Variants in SGCZ observed in about 807,000 individuals in gnomAD.
SGCZ encodes the protein zeta-sarcoglycan.
A neutral mutation model predicts 41.3 loss-of-function variants in SGCZ; 40 were observed. The ratio of observed to expected loss-of-function variants is 0.97; its 90% confidence interval spans 0.75 to 1.26. The LOEUF (loss-of-function observed/expected upper bound fraction) is 1.26, where lower values mean the gene tolerates loss of function less well. Among genes scored for constraint, SGCZ ranks in the 50% most tolerant of loss-of-function variants. The pLI, the probability that SGCZ is intolerant of heterozygous loss-of-function variation, is 0.00. For missense variants in SGCZ, 552 were observed against 369.8 expected (o/e 1.49, Z -4.04); for synonymous variants, 206 against 137.5 (o/e 1.50, Z -3.49).
At chr8:15,105,821 T>C (rs1486496342) in intron 1 of SGCZ, among the ~76,000 whole-genome samples, 2 of 151,978 alleles carry the variant, frequency 1.3e-5, no homozygotes, top group Non-Finnish European at 2.9e-5. Context: ...TTGAGTGCTG[T>C]TATTTTTTTC....
At chr8:14,282,007 G>C (rs1375498309) in intron 3 of SGCZ, among the ~76,000 whole-genome samples, 2 of 151,822 alleles carry the variant, frequency 1.3e-5, no homozygotes, top group Non-Finnish European at 2.9e-5. Flanking sequence ...TTTCAGCTTA[G>C]TTTATATCCA....
chr8:14,522,003 A>G (rs1428584363), intron 2 of SGCZ, among the ~76,000 whole-genome samples: 2 of 152,052 alleles, frequency 1.3e-5, no homozygotes, highest in African/African-American at 2.4e-5. Context: ...TTTTCTAAAT[A>G]TGTTCTTTCA....
intron 1 of SGCZ, among the ~76,000 whole-genome samples, chr8:15,138,696 C>A (rs1808208551): frequency 6.6e-6 from 1 of 152,192 alleles, no homozygotes; most frequent in Admixed American, 6.5e-5. Flanking sequence ...TTTCCTGAAG[C>A]CGCCTCAGCC....
At chr8:14,361,859 G>T (rs993568531) in intron 2 of SGCZ, among the ~76,000 whole-genome samples, 3 of 152,132 alleles carry the variant, frequency 2.0e-5, no homozygotes, top group Non-Finnish European at 4.4e-5. Context: ...CTACAGATGG[G>T]GTTTTGGTGT....
intron 2 of SGCZ, among the ~76,000 whole-genome samples, chr8:14,522,595 T>G (rs988804823): frequency 3.3e-5 from 5 of 151,906 alleles, no homozygotes; most frequent in Non-Finnish European, 7.4e-5. Flanking sequence ...ATTGGAAACT[T>G]GTGTCTTCGC....
At chr8:14,915,920 C>T (rs1038230778) in intron 1 of SGCZ, among the ~76,000 whole-genome samples, 2 of 152,114 alleles carry the variant, frequency 1.3e-5, no homozygotes, top group Non-Finnish European at 1.5e-5. Context: ...GCAAAGTAGC[C>T]GTTTCAATAT....
At chr8:15,224,713 G>A (rs777688712) in intron 1 of SGCZ, among the ~76,000 whole-genome samples, 1 of 151,968 alleles carries the variant, frequency 6.6e-6, no homozygotes, top group African/African-American at 2.4e-5. Context: ...ATACAAAAAG[G>A]TTCAAAATAA....
At chr8:14,222,905 G>C (rs1005183777) in intron 4 of SGCZ, among the ~76,000 whole-genome samples, 1 of 141,170 alleles carries the variant, frequency 7.1e-6, no homozygotes, top group Admixed American at 7.8e-5. Flanking sequence ...TCTACATGCC[G>C]GGTTCAAGAG....
In SGCZ at chr8:14,646,868, C is replaced by G. The variant is rs370356613; in HGVS notation, c.40-91942G>C. Among the ~76,000 whole-genome samples the G allele has an allele frequency of 2.6e-5, 4 of 151,994 alleles. No homozygotes were observed. In the South Asian group the frequency reaches 6.2e-4, roughly 24 times the overall value. ...AGGCAAGTAAGACAGAGACCCTTTTCTAAGGATTTTTCATTTGTTATGAGA... is the reference window on the plus strand; with the variant it reads ...AGGCAAGTAAGACAGAGACCCTTTTGTAAGGATTTTTCATTTGTTATGAGA... On this transcript the variant is annotated intron_variant, in intron 1 of 7. Transcript: ENST00000382080.
intron 4 of SGCZ, among the ~76,000 whole-genome samples, chr8:14,187,592 G>A (rs1417998152): frequency 6.6e-6 from 1 of 151,830 alleles, no homozygotes; most frequent in Non-Finnish European, 1.5e-5. Context: ...TCACTAAAGT[G>A]TTCCACAGTA....
intron 1 of SGCZ, among the ~76,000 whole-genome samples, chr8:14,927,194 C>T (rs981848408): frequency 2.7e-5 from 4 of 149,316 alleles, no homozygotes; most frequent in African/African-American, 5.0e-5. Flanking sequence ...CTGCAAGCTC[C>T]GCCTCCGAGG....
chr8:15,137,837 G>T (rs1808171036), intron 1 of SGCZ, among the ~76,000 whole-genome samples: 1 of 152,186 alleles, frequency 6.6e-6, no homozygotes. Context: ...GGGAAATGTG[G>T]GGTTGGAGCC....
In SGCZ at chr8:14,620,570, G is replaced by A. The variant is rs563248585; in HGVS notation, c.40-65644C>T. 1.1e-4 allele frequency among the ~76,000 whole-genome samples: 16 copies of A among 139,350 alleles called. 1 individual carries two copies. The highest frequency in any genetic ancestry group is 3.5e-3 in the Middle Eastern group (1 of 282). 91.4% of individuals were successfully genotyped at this position (139,350 alleles called of 152,430 possible). ...CAAAGGGCTAATATCCAGAATCTAC[G>A]AAGAACTCAAAAAAATTTATGAGAA... On this transcript the variant is annotated intron_variant, in intron 1 of 7. Coordinates refer to ENST00000382080, the MANE Select transcript of SGCZ (RefSeq NM_139167.4).
intron 1 of SGCZ, among the ~76,000 whole-genome samples, chr8:14,695,629 G>C (rs1234603023): frequency 6.6e-6 from 1 of 151,848 alleles, no homozygotes; most frequent in Non-Finnish European, 1.5e-5. Context: ...ATAGTTAAAA[G>C]CTAAAGGTGT....
At chr8:14,811,204 A>T (rs1325851544) in intron 1 of SGCZ, among the ~76,000 whole-genome samples, 1 of 152,072 alleles carries the variant, frequency 6.6e-6, no homozygotes, top group Non-Finnish European at 1.5e-5. Context: ...TGTTGTGTTC[A>T]TTAAAATGAA....
intron 1 of SGCZ, among the ~76,000 whole-genome samples, chr8:14,674,332 T>C (rs1808203243): frequency 6.6e-6 from 1 of 152,038 alleles, no homozygotes; most frequent in Admixed American, 6.6e-5. Flanking sequence ...AAGATAAGAG[T>C]AAAAATGTGT....
At chr8:14,555,511 C>G (rs753618340) in intron 1 of SGCZ, among the ~76,000 whole-genome samples, 1 of 152,048 alleles carries the variant, frequency 6.6e-6, no homozygotes, top group Non-Finnish European at 1.5e-5. Flanking sequence ...TTGTAAGTTT[C>G]CTGAGGCCTC....
At chr8:14,720,091 G>A (rs1190628650) in intron 1 of SGCZ, among the ~76,000 whole-genome samples, 2 of 151,882 alleles carry the variant, frequency 1.3e-5, no homozygotes, top group African/African-American at 4.8e-5. Flanking sequence ...AGTTTTCCCA[G>A]CAAGTTCTTT....
intron 3 of SGCZ, among the ~76,000 whole-genome samples, chr8:14,273,513 T>C (rs1033963068): frequency 1.4e-4 from 22 of 152,190 alleles, no homozygotes; most frequent in Non-Finnish European, 2.8e-4. Context: ...TTCTGATGGA[T>C]TTCCCAATCC....
Sources: allele counts gnomAD v4.1 joint callset (sites outside exome capture counted in the v4.1 genomes callset), GRCh38; gene constraint gnomAD v4.1.1; transcripts MANE v1.5; gene names NCBI Gene and HGNC (gene_info 2026-07-23, HGNC 2026-07-21).